The following SYNE1 variants were observed in gnomAD, a reference collection of about 807,000 sequenced individuals.
SYNE1 encodes nesprin-1.
Under a neutral mutation model 1,111.0 loss-of-function variants are expected in SYNE1, and 616 were observed. The ratio of observed to expected loss-of-function variants is 0.55; its 90% CI spans 0.52 to 0.59. The LOEUF is 0.59. SYNE1 is among the 20% of genes least tolerant of loss of function. The pLI is 0.00. For synonymous variants in SYNE1, 3,855 were observed against 3,825.8 expected (o/e 1.01, Z -0.28); for missense variants, 10,006 against 10,417.0 (o/e 0.96, Z 1.72).
chr6:152,472,034 G>C (rs1340848604), intron 15 of SYNE1: 2 of 591,428 alleles, frequency 3.4e-6, no homozygotes, highest in African/African-American at 1.9e-5. Context: ...ATTACATAAT[G>C]TTCCTTACAG....
At chr6:152,374,863 C>T (rs966552546) in intron 58 of SYNE1, among the ~76,000 whole-genome samples, 81 of 152,188 alleles carry the variant, frequency 5.3e-4, no homozygotes, top group African/African-American at 1.9e-3. Flanking sequence ...TGAGTTTCTG[C>T]AGTTCTACCC....
chr6:152,301,846 G>GCGGGGACT (rs1357895080), intron 92 of SYNE1, 23 bp downstream of exon 92: 1 of 1,591,882 alleles, frequency 6.3e-7, no homozygotes, highest in African/African-American at 1.3e-5. Flanking sequence ...GAGCAAAGCC[G>GCGGGGACT]CGGGGACCCA....
chr6:152,418,467 T>G (rs1266056958), intron 40 of SYNE1, among the ~76,000 whole-genome samples: 1 of 152,198 alleles, frequency 6.6e-6, no homozygotes, highest in Non-Finnish European at 1.5e-5. Context: ...TCAATAAATA[T>G]GAAATATTCT....
chr6:152,505,773 T>G (rs1366529497), intron 8 of SYNE1, among the ~76,000 whole-genome samples: 11 of 152,106 alleles, frequency 7.2e-5, no homozygotes, highest in African/African-American at 2.7e-4. Context: ...CTGAAAAAAT[T>G]TTAAGAAACC....
chr6:152,476,258 T>C (rs188139035), intron 14 of SYNE1, among the ~76,000 whole-genome samples: 1 of 152,302 alleles, frequency 6.6e-6, no homozygotes, highest in African/African-American at 2.4e-5. Context: ...CCAAGCTGAA[T>C]TCCTGATCTT....
At chr6:152,513,686 A>G (rs2099097350) in intron 6 of SYNE1, among the ~76,000 whole-genome samples, 1 of 152,174 alleles carries the variant, frequency 6.6e-6, no homozygotes, top group South Asian at 2.1e-4. Context: ...ATCAGAGTGA[A>G]CAGGCAACCT....
chr6:152,353,945 G>A (rs180958554), intron 67 of SYNE1, among the ~76,000 whole-genome samples: 177 of 152,240 alleles, frequency 1.2e-3, no homozygotes, highest in African/African-American at 4.1e-3. Flanking sequence ...GAGTTGGATA[G>A]TTTTCTGTAT....
chr6:152,447,609 C>T lies in SYNE1; in HGVS notation c.3518G>A (p.Gly1173Asp). ...GAGGGTCTCACCCCTTTTGGTAACA[C>T]CATTTCTGATCTCCTGAAATGAGAG... The part of the protein sequence containing the change: ...VKRAVEEIRN[G>D]VTKRGETLSW... Residue 1173 changes from glycine (G) to aspartate (D), a missense_variant, in exon 29 of 146, where the codon GGT becomes GAT. Transcript: ENST00000367255. The T allele has an allele frequency of 6.2e-7, 1 of 1,614,184 alleles. No homozygotes were observed. Among genetic ancestry groups the T allele is most frequent in the East Asian group, 2.2e-5 (1 of 44,882 alleles).
chr6:152,331,474 A>T lies in SYNE1; in HGVS notation c.13211T>A (p.Leu4404His), dbSNP rs767961923. 3 of 1,613,960 alleles carry T rather than the reference A, an allele frequency of 1.9e-6. No individual in the cohort carries two copies. The highest frequency in any genetic ancestry group is 3.3e-5 in the Admixed American group (2 of 59,990). The change falls in exon 78 of 146, where the codon CTT (leucine) becomes CAT (histidine). Residue 4404 changes from leucine (L) to histidine (H), a missense_variant. Physicochemically the swap from Leu to His is moderately conservative, Grantham distance 99 (BLOSUM62 -3). Coordinates refer to ENST00000367255, the MANE Select transcript of SYNE1 (RefSeq NM_182961.4). ...CATGACCCTGTCTGCGTCCTTTATAAGCGATTTCAGGAGCATCTGCTTGGC... is the reference window on the plus strand; with the variant it reads ...CATGACCCTGTCTGCGTCCTTTATATGCGATTTCAGGAGCATCTGCTTGGC... ...LEAKQMLLKS[L>H]IKDADRVMAD...
At chr6:152,199,475 T>C (rs570632645) in intron 127 of SYNE1, among the ~76,000 whole-genome samples, 1 of 152,308 alleles carries the variant, frequency 6.6e-6, no homozygotes, top group African/African-American at 2.4e-5. Context: ...TTCTTTAAGT[T>C]ACTAAAAAAG....
At chr6:152,400,162 T>C (rs2097790449) in intron 47 of SYNE1, among the ~76,000 whole-genome samples, 1 of 151,578 alleles carries the variant, frequency 6.6e-6, no homozygotes, top group Non-Finnish European at 1.5e-5. Flanking sequence ...CATTCTTCAA[T>C]GAGACACTTG....
intron 145 of SYNE1, chr6:152,128,920 C>T (rs1428829000): frequency 6.6e-6 from 1 of 152,260 alleles, no homozygotes; most frequent in Admixed American, 6.5e-5. Context: ...TGTTCAACCA[C>T]AACCTGTCTG....
In SYNE1 at chr6:152,387,223, A is replaced by C. The variant is rs77121899; in HGVS notation, c.8336T>G (p.Ile2779Ser). Reference protein sequence around the residue: ...KFVLLDHLQSILSEAEDHTRA... With the variant: ...KFVLLDHLQSSLSEAEDHTRA... ...CGTGTGATCTTCTGCCTCAGACAGG[A>C]TGGACTGGAGGTGGTCAAGCAGGAC... The change falls in exon 54 of 146, where the codon ATC (isoleucine) becomes AGC (serine). Residue 2779 changes from isoleucine (I) to serine (S), a missense_variant. Coordinates refer to ENST00000367255, the MANE Select transcript of SYNE1 (RefSeq NM_182961.4). The C allele has an allele frequency of 2.6e-3, 4,196 of 1,614,084 alleles. 108 individuals are homozygous for C. The African/African-American group carries it at 0.05, about 19-fold the overall frequency.
intron 137 of SYNE1, 143 bp from the exon 138 acceptor site, chr6:152,143,908 T>A: frequency 8.5e-7 from 1 of 1,177,472 alleles, no homozygotes; most frequent in Non-Finnish European, 1.2e-6. Context: ...GCAAATTTAG[T>A]ACCATCGTGC....
chr6:152,126,471 T>C (rs1285637691), intron 145 of SYNE1: 5 of 152,258 alleles, frequency 3.3e-5, no homozygotes, highest in Admixed American at 3.3e-4. Flanking sequence ...CATTCTCCTC[T>C]GGTCTTATTA....
Position 152,416,841 on chromosome 6 carries a change from C to A in SYNE1, c.5596G>T (p.Ala1866Ser). ...ASQVVERRQL[A>S]LSHLAEFLQS... ...AGGAATTCTGCCAAATGGGACAGGG[C>A]AAGCTGCCGCCTCTCCACAACCTGG... is the stretch of plus-strand genomic sequence containing the variant. Residue 1866 changes from alanine (A) to serine (S), a missense_variant, in exon 41 of 146, where the codon GCC (alanine) becomes TCC (serine). Ala to Ser is a moderately conservative substitution (Grantham distance 99). Transcript: ENST00000367255. 6.2e-7 allele frequency: 1 copy of A among 1,614,156 alleles called. No homozygotes were observed. The highest frequency in any genetic ancestry group is 8.5e-7 in the Non-Finnish European group (1 of 1,179,994).
At chr6:152,260,011 A>G (rs2091715731) in intron 101 of SYNE1, among the ~76,000 whole-genome samples, 1 of 152,184 alleles carries the variant, frequency 6.6e-6, no homozygotes, top group Non-Finnish European at 1.5e-5. Flanking sequence ...AGCATGGAGG[A>G]CGCTGGAGTG....
At chr6:152,328,910 A>C (rs976929229) in intron 78 of SYNE1, among the ~76,000 whole-genome samples, 1 of 152,150 alleles carries the variant, frequency 6.6e-6, no homozygotes, top group Non-Finnish European at 1.5e-5. Context: ...GGGGGTGAAG[A>C]GATGGGGCAA....
chr6:152,293,307 C>G (rs1254811563), intron 95 of SYNE1, among the ~76,000 whole-genome samples: 1 of 152,102 alleles, frequency 6.6e-6, no homozygotes, highest in African/African-American at 2.4e-5. Context: ...TTTGTGTAAT[C>G]AAAGTTAAAA....
Sources: gnomAD v4.1 joint callset for allele counts (sites outside exome capture counted in the v4.1 genomes callset) on GRCh38, gnomAD v4.1.1 for gene constraint, MANE v1.5 for transcripts, NCBI Gene and HGNC (gene_info 2026-07-23, HGNC 2026-07-21) for gene names.